The following PCDHA4 variants were observed in gnomAD, a reference collection of about 807,000 sequenced individuals.
PCDHA4 encodes protocadherin alpha-4.
A neutral mutation model predicts 61.4 loss-of-function variants in PCDHA4; 49 were observed. The ratio of observed to expected loss-of-function variants is 0.80; its 90% CI spans 0.63 to 1.01. The LOEUF (loss-of-function observed/expected upper bound fraction) is 1.01. Among genes scored for constraint, PCDHA4 ranks in the 50% least tolerant of loss-of-function variants. PCDHA4 has a pLI of 0.00. For missense variants in PCDHA4, 1,254 were observed against 1,235.8 expected (o/e 1.01, Z -0.22); for synonymous variants, 590 against 550.3 (o/e 1.07, Z -1.01).
At chr5:140,834,576 C>T in intron 1 of PCDHA4, 2 of 1,614,098 alleles carry the variant, frequency 1.2e-6, no homozygotes, top group Non-Finnish European at 8.5e-7. Context: ...GCGCCTGTTC[C>T]GGGCGGTGTG....
At chr5:140,841,756 C>G (rs1777468782) in intron 1 of PCDHA4, 4 of 1,613,854 alleles carry the variant, frequency 2.5e-6, no homozygotes, top group Non-Finnish European at 1.7e-6. Context: ...TTTCAGAATC[C>G]AGAATGCCAG....
At chr5:140,882,713 G>T (rs1554175318) in intron 1 of PCDHA4, 6 of 1,614,198 alleles carry the variant, frequency 3.7e-6, no homozygotes, top group African/African-American at 1.3e-5. Context: ...TAGACCTCCG[G>T]AAACTCGATT....
intron 3 of PCDHA4, among the ~76,000 whole-genome samples, chr5:141,004,400 G>A (rs183932833): frequency 7.4e-4 from 113 of 152,304 alleles, no homozygotes; most frequent in African/African-American, 2.7e-3. Flanking sequence ...TGTGGAGGAG[G>A]CACCTGACTA....
At chr5:140,899,714 T>C (rs1554188719) in intron 1 of PCDHA4, among the ~76,000 whole-genome samples, 1 of 152,242 alleles carries the variant, frequency 6.6e-6, no homozygotes, top group African/African-American at 2.4e-5. Context: ...TAGGGAGGAT[T>C]CCCTCTTTTT....
At chr5:140,884,138 G>C (rs782798249) in intron 1 of PCDHA4, 2 of 1,613,410 alleles carry the variant, frequency 1.2e-6, no homozygotes, top group Non-Finnish European at 1.7e-6. Context: ...CCCGTTCCGC[G>C]TGGGGCTGTA....
chr5:140,817,932 G>A (rs2150099646), intron 1 of PCDHA4, among the ~76,000 whole-genome samples: 2 of 152,206 alleles, frequency 1.3e-5, no homozygotes, highest in South Asian at 4.2e-4. Flanking sequence ...TGAGATGATG[G>A]CTGTCAAGTT....
intron 1 of PCDHA4, chr5:140,865,192 A>C (rs1306002523): frequency 3.9e-5 from 6 of 152,218 alleles, no homozygotes; most frequent in Non-Finnish European, 8.8e-5. Flanking sequence ...CCTTCACACC[A>C]TATTAATGTG....
intron 3 of PCDHA4, among the ~76,000 whole-genome samples, chr5:140,983,479 G>A (rs1297150913): frequency 1.3e-5 from 2 of 152,194 alleles, no homozygotes; most frequent in Non-Finnish European, 2.9e-5. Context: ...GATAATAGTA[G>A]TTACTAATTA....
At chr5:140,823,113 C>T in intron 1 of PCDHA4, 1 of 1,614,074 alleles carries the variant, frequency 6.2e-7, no homozygotes, top group Non-Finnish European at 8.5e-7. Context: ...AAGTGGCCGA[C>T]GTGAACGACA....
intron 3 of PCDHA4, among the ~76,000 whole-genome samples, chr5:140,995,371 C>T (rs143381591): frequency 1.3e-5 from 2 of 152,238 alleles, no homozygotes; most frequent in African/African-American, 2.4e-5. Flanking sequence ...GGATGATTCA[C>T]GTACTGGGCA....
intron 1 of PCDHA4, among the ~76,000 whole-genome samples, chr5:140,941,198 T>TCTTCCTTTCTTC (rs1563184149): frequency 4.2e-5 from 5 of 119,808 alleles, no homozygotes; most frequent in African/African-American, 1.0e-4. Context: ...TTTTTTTCTT[T>TCTTCCTTTCTTC]CTTCCTTTCT....
chr5:140,852,761 C>T (rs17119246), intron 1 of PCDHA4: 72,639 of 982,874 alleles, frequency 0.074, 8,920 homozygotes, highest in African/African-American at 0.25. Flanking sequence ...ACCCAGGTAT[C>T]TGATTATTTG....
At chr5:140,836,957 G>T (rs193007351) in intron 1 of PCDHA4, 3 of 414,634 alleles carry the variant, frequency 7.2e-6, no homozygotes, top group African/African-American at 4.1e-5. Context: ...TATGGTTTAT[G>T]TTGGCTACTC....
chr5:140,948,016 C>CTTTTT (rs72028473), intron 1 of PCDHA4, among the ~76,000 whole-genome samples: 13 of 30,044 alleles, frequency 4.3e-4, no homozygotes, highest in Non-Finnish European at 6.9e-4. Context: ...AGGAAGTACC[C>CTTTTT]TTTCTGGTTT....
chr5:140,887,238 C>A (rs1191260946), intron 1 of PCDHA4, among the ~76,000 whole-genome samples: 3 of 151,738 alleles, frequency 2.0e-5, no homozygotes, highest in African/African-American at 4.8e-5. Flanking sequence ...CTGAGACTAC[C>A]GGCGCCCGCC....
chr5:140,807,397 CCG>C lies in PCDHA4; in HGVS notation c.213_214del (p.Gly72ArgfsTer55), dbSNP rs782638629. On this transcript the variant is annotated frameshift_variant, in exon 1 of 4. Coordinates refer to ENST00000530339, the MANE Select transcript of PCDHA4 (RefSeq NM_018907.4). LOFTEE classifies it high-confidence loss of function. ...PRLFRVASKGRGGLLEVNLQN... is the reference protein window; with the variant it reads ...PRLFRVASKGXGGLLEVNLQN... ...GCCTGTTCCGGGTGGCGTCCAAGGGCCGCGGAGGCCTTCTGGAGGTAAATCTG... is the reference window on the plus strand; with the variant it reads ...GCCTGTTCCGGGTGGCGTCCAAGGGCCGGAGGCCTTCTGGAGGTAAATCTG... 8 of 1,344,444 alleles carry C rather than the reference CCG, an allele frequency of 6.0e-6. 3 individuals carry two copies. Among genetic ancestry groups the C allele is most frequent in the Non-Finnish European group, 6.0e-6 (6 of 1,004,946 alleles). The allele number at this position is 1,344,444 out of a possible 1,614,324, so 83.3% of individuals were successfully genotyped here. A position where few individuals can be genotyped will look rare whatever the true frequency, so the allele number is the denominator to read the frequency against.
chr5:140,821,069 T>C (rs2150108621), intron 1 of PCDHA4, among the ~76,000 whole-genome samples: 339 of 152,212 alleles, frequency 2.2e-3, no homozygotes, highest in Admixed American at 4.4e-3. Context: ...AAAATAGTTT[T>C]AGTTGTTTTT....
chr5:140,917,450 G>A (rs1220183879), intron 1 of PCDHA4, among the ~76,000 whole-genome samples: 2 of 152,010 alleles, frequency 1.3e-5, no homozygotes, highest in Non-Finnish European at 2.9e-5. Context: ...CTGCAAGAGC[G>A]TTTGGCATCT....
intron 1 of PCDHA4, chr5:140,860,230 A>G (rs1282358261): frequency 6.6e-6 from 1 of 151,076 alleles, no homozygotes; most frequent in Non-Finnish European, 1.5e-5. Context: ...TATATAAGCC[A>G]GGCATGGTGG....
Sources: allele counts gnomAD v4.1 joint callset (sites outside exome capture counted in the v4.1 genomes callset), GRCh38; gene constraint gnomAD v4.1.1; transcripts MANE v1.5; gene names NCBI Gene and HGNC (gene_info 2026-07-23, HGNC 2026-07-21).